The following CERS6 variants were observed in gnomAD, a reference collection of about 807,000 sequenced individuals.
CERS6 encodes ceramide synthase 6, also known as LAG1 homolog, ceramide synthase 6.
CERS6 carries 26 observed loss-of-function variants against 56.8 expected under a neutral mutation model. That is an observed-to-expected ratio of 0.46 (90% CI 0.34 to 0.63). CERS6 has a LOEUF of 0.63. CERS6 is among the 30% of genes least tolerant of loss of function. The probability of loss-of-function intolerance (pLI) is 0.01; values close to 1 mark genes in which losing one functional copy is unlikely to be tolerated. For synonymous variants in CERS6, 164 were observed against 173.3 expected, an observed-to-expected ratio of 0.95 and a Z score of 0.42; for missense variants, 415 against 467.5, an observed-to-expected ratio of 0.89 and a Z score of 1.04.
chr2:168,704,337 A>C (rs188964809), intron 6 of CERS6, among the ~76,000 whole-genome samples: 20 of 152,098 alleles, frequency 1.3e-4, no homozygotes, highest in African/African-American at 4.6e-4. Context: ...TCGGGTCCTC[A>C]GGAGTCCCAC....
intron 4 of CERS6, among the ~76,000 whole-genome samples, chr2:168,631,838 TATATA>T (rs923945059): frequency 1.5e-5 from 2 of 131,684 alleles, no homozygotes; most frequent in South Asian, 2.2e-4. Flanking sequence ...TAATATATAT[TATATA>T]ATATATATTA....
chr2:168,737,893 A>G (rs905290694), intron 8 of CERS6, among the ~76,000 whole-genome samples: 3 of 152,084 alleles, frequency 2.0e-5, no homozygotes, highest in African/African-American at 7.2e-5. Context: ...AACTATTGTT[A>G]TTTTCTTTAG....
chr2:168,561,182 T>G lies in CERS6; in HGVS notation c.277-10T>G. On this transcript the variant is annotated splice_polypyrimidine_tract_variant and intron_variant, in intron 2 of 9. Coordinates refer to ENST00000305747, the MANE Select transcript of CERS6 (RefSeq NM_203463.3). Reference sequence around the variant, plus strand: ...ATTGAAAATTATTTTTCTGGTACCTTGTTTCATAGCATCCTGATGAAAAGA... The same window carrying G: ...ATTGAAAATTATTTTTCTGGTACCTGGTTTCATAGCATCCTGATGAAAAGA... The G allele has an allele frequency of 6.2e-7, 1 of 1,613,454 alleles. No individual in the cohort carries two copies. The highest frequency in any genetic ancestry group is 2.2e-5 in the East Asian group (1 of 44,872).
chr2:168,556,633 A>G (rs1020624863), intron 2 of CERS6, among the ~76,000 whole-genome samples: 11 of 152,324 alleles, frequency 7.2e-5, no homozygotes, highest in African/African-American at 2.6e-4. Flanking sequence ...CATACTTCAT[A>G]AAGAAGTATT....
chr2:168,553,489 T>C (rs1393119765), intron 2 of CERS6, among the ~76,000 whole-genome samples: 1 of 152,172 alleles, frequency 6.6e-6, no homozygotes, highest in Non-Finnish European at 1.5e-5. Context: ...CAGATCTCTT[T>C]TTTTAGGGAA....
At chr2:168,706,848 T>G (rs1686952537) in intron 6 of CERS6, among the ~76,000 whole-genome samples, 1 of 152,236 alleles carries the variant, frequency 6.6e-6, no homozygotes, top group Non-Finnish European at 1.5e-5. Flanking sequence ...AAAGCTTTTC[T>G]GTAAAGGACC....
chr2:168,763,888 G>A (rs1022242490), intron 8 of CERS6, among the ~76,000 whole-genome samples: 2 of 152,128 alleles, frequency 1.3e-5, no homozygotes, highest in African/African-American at 4.8e-5. Context: ...AATTATGCAG[G>A]TGCTGTGCTT....
intron 3 of CERS6, among the ~76,000 whole-genome samples, chr2:168,593,089 C>A (rs775821524): frequency 6.6e-6 from 1 of 152,182 alleles, no homozygotes; most frequent in Admixed American, 6.5e-5. Context: ...ATAACATCTT[C>A]CAATCTTTTT....
chr2:168,536,484 A>G (rs1466102243), intron 1 of CERS6, among the ~76,000 whole-genome samples: 1 of 152,202 alleles, frequency 6.6e-6, no homozygotes, highest in African/African-American at 2.4e-5. Flanking sequence ...GAGATGATAG[A>G]TATATTAATC....
intron 8 of CERS6, among the ~76,000 whole-genome samples, chr2:168,748,833 G>T (rs574404726): frequency 1.9e-5 from 2 of 105,568 alleles, no homozygotes; most frequent in Non-Finnish European, 3.4e-5. Context: ...GTTGGGGGTG[G>T]GGGGGGGGCA....
chr2:168,553,332 C>T (rs1233577760), intron 2 of CERS6, among the ~76,000 whole-genome samples: 3 of 151,942 alleles, frequency 2.0e-5, no homozygotes, highest in Non-Finnish European at 4.4e-5. Context: ...AAGATTTTTT[C>T]CTAAGATAAA....
At chr2:168,683,390 G>A in intron 4 of CERS6, among the ~76,000 whole-genome samples, 1 of 152,102 alleles carries the variant, frequency 6.6e-6, no homozygotes, top group East Asian at 1.9e-4. Flanking sequence ...TTGCCTGTTT[G>A]TATCTTCTTC....
chr2:168,531,316 T>C (rs534415643), intron 1 of CERS6, among the ~76,000 whole-genome samples: 2 of 152,346 alleles, frequency 1.3e-5, no homozygotes, highest in African/African-American at 4.8e-5. Context: ...AAAACAACTT[T>C]TTATTTTGAA....
intron 4 of CERS6, among the ~76,000 whole-genome samples, chr2:168,662,704 C>T (rs956365656): frequency 6.6e-6 from 1 of 152,104 alleles, no homozygotes; most frequent in Non-Finnish European, 1.5e-5. Context: ...TGCACTCCAG[C>T]CTGGGCGACA....
At chr2:168,618,183 G>T (rs190383346) in intron 3 of CERS6, among the ~76,000 whole-genome samples, 18 of 152,190 alleles carry the variant, frequency 1.2e-4, no homozygotes, top group African/African-American at 4.3e-4. Flanking sequence ...ATCCAGCATG[G>T]CTTTATGTTT....
chr2:168,501,795 G>C (rs1314299356), intron 1 of CERS6, among the ~76,000 whole-genome samples: 6 of 152,168 alleles, frequency 3.9e-5, no homozygotes, highest in Non-Finnish European at 5.9e-5. Flanking sequence ...ACTCTTTCCA[G>C]TACCTGGCTG....
At chr2:168,587,764 T>G (rs1375536033) in intron 3 of CERS6, among the ~76,000 whole-genome samples, 5 of 151,512 alleles carry the variant, frequency 3.3e-5, no homozygotes, top group Admixed American at 3.3e-4. Context: ...TATAATATAG[T>G]AAGTTTTTAA....
chr2:168,580,016 C>T (rs1403130794), intron 3 of CERS6, among the ~76,000 whole-genome samples: 5 of 152,202 alleles, frequency 3.3e-5, no homozygotes, highest in African/African-American at 9.7e-5. Flanking sequence ...CCAACTTCTG[C>T]GCTAATCATT....
intron 1 of CERS6, among the ~76,000 whole-genome samples, chr2:168,497,191 C>T (rs1235567061): frequency 3.3e-5 from 5 of 152,144 alleles, no homozygotes; most frequent in Non-Finnish European, 7.4e-5. Context: ...AAGGGATATT[C>T]AAAGTATAAT....
Sources: gnomAD v4.1 joint callset for allele counts (sites outside exome capture counted in the v4.1 genomes callset) on GRCh38, gnomAD v4.1.1 for gene constraint, MANE v1.5 for transcripts, NCBI Gene and HGNC (gene_info 2026-07-23, HGNC 2026-07-21) for gene names.